The following TTC27 variants were observed in gnomAD, a reference collection of about 807,000 sequenced individuals.
TTC27 encodes tetratricopeptide repeat protein 27.
Under a neutral mutation model 115.9 loss-of-function variants are expected in TTC27, and 79 were observed. The ratio of observed to expected loss-of-function variants is 0.68; its 90% CI spans 0.57 to 0.82. The LOEUF (loss-of-function observed/expected upper bound fraction) is 0.82, where lower values mean the gene tolerates loss of function less well. Among genes scored for constraint, TTC27 ranks in the 40% least tolerant of loss-of-function variants. TTC27 has a pLI of 0.00. For synonymous variants in TTC27, 401 were observed against 356.0 expected (o/e 1.13, Z -1.42); for missense variants, 1,054 against 993.1 (o/e 1.06, Z -0.82).
chr2:32,685,177 G>A (rs532714587), intron 9 of TTC27, among the ~76,000 whole-genome samples: 22 of 151,656 alleles, frequency 1.5e-4, no homozygotes, highest in Non-Finnish European at 2.4e-4. Flanking sequence ...TTACAGGCAC[G>A]CACCACCATG....
intron 5 of TTC27, among the ~76,000 whole-genome samples, chr2:32,663,920 T>G (rs1445885492): frequency 1.3e-5 from 2 of 151,986 alleles, no homozygotes; most frequent in African/African-American, 4.8e-5. Flanking sequence ...CCTGACCTTG[T>G]GATCCGCCCA....
intron 19 of TTC27, among the ~76,000 whole-genome samples, chr2:32,819,316 C>T (rs1558360341): frequency 6.6e-6 from 1 of 152,076 alleles, no homozygotes; most frequent in Non-Finnish European, 1.5e-5. Flanking sequence ...GATTTTCATT[C>T]TCATTAGATG....
At chr2:32,755,199 G>T (rs1315747329) in intron 12 of TTC27, among the ~76,000 whole-genome samples, 5 of 152,202 alleles carry the variant, frequency 3.3e-5, no homozygotes, top group African/African-American at 4.8e-5. Context: ...GGCAGAGGCT[G>T]CAATCTCGGC....
At chr2:32,792,586 A>G (rs1235202903) in intron 16 of TTC27, among the ~76,000 whole-genome samples, 1 of 152,144 alleles carries the variant, frequency 6.6e-6, no homozygotes, top group Non-Finnish European at 1.5e-5. Context: ...GGTCAGGGTT[A>G]TCAGACCAGG....
chr2:32,691,098 A>G (rs1023759870), intron 9 of TTC27, among the ~76,000 whole-genome samples: 2 of 152,150 alleles, frequency 1.3e-5, no homozygotes, highest in African/African-American at 4.8e-5. Flanking sequence ...GAAGAAGATT[A>G]TTTGAAACGT....
chr2:32,782,576 A>C (rs764212194), intron 14 of TTC27, 50 bp from the exon 15 acceptor site: 1 of 1,562,178 alleles, frequency 6.4e-7, no homozygotes, highest in Non-Finnish European at 8.8e-7. Context: ...TTAAGCAATA[A>C]TTTTACCTAA....
chr2:32,731,191 C>T (rs1281484936), intron 10 of TTC27, among the ~76,000 whole-genome samples: 2 of 151,920 alleles, frequency 1.3e-5, no homozygotes, highest in Non-Finnish European at 2.9e-5. Flanking sequence ...GCCTCCTGGG[C>T]TCAAGTGATT....
chr2:32,766,737 T>A (rs1323545581), intron 13 of TTC27, among the ~76,000 whole-genome samples: 1 of 152,190 alleles, frequency 6.6e-6, no homozygotes, highest in Non-Finnish European at 1.5e-5. Context: ...GAAAAATGGC[T>A]GATCTTGTGT....
chr2:32,739,457 CTAAG>C (rs1350774551), intron 12 of TTC27, among the ~76,000 whole-genome samples: 2 of 152,086 alleles, frequency 1.3e-5, no homozygotes, highest in African/African-American at 4.8e-5. Flanking sequence ...GACTGTCCCC[CTAAG>C]TAGTTGTGAT....
chr2:32,696,476 T>A (rs987681048), intron 9 of TTC27, among the ~76,000 whole-genome samples: 4 of 151,724 alleles, frequency 2.6e-5, no homozygotes, highest in Admixed American at 6.6e-5. Flanking sequence ...GTGTTTTTAG[T>A]AGAGACTGGG....
chr2:32,650,211 TGCCGAAA>T lies in TTC27; in HGVS notation c.619_625del (p.Ala207ThrfsTer6). The T allele has an allele frequency of 1.2e-6, 2 of 1,613,908 alleles. No homozygotes were observed. Among genetic ancestry groups the T allele is most frequent in the Non-Finnish European group, 1.7e-6 (2 of 1,179,884 alleles). On this transcript the variant is annotated frameshift_variant, in exon 5 of 20. Transcript: ENST00000317907. LOFTEE classifies it high-confidence loss of function. ...AACGCTCACCTCTGCTTTTTACTCTTGCCGAAAACTGTATTGATCAAGGTATGTAGCA... is the reference window on the plus strand; with the variant it reads ...AACGCTCACCTCTGCTTTTTACTCTTACTGTATTGATCAAGGTATGTAGCA...
intron 5 of TTC27, among the ~76,000 whole-genome samples, chr2:32,661,940 C>A (rs1290780599): frequency 1.3e-5 from 2 of 152,108 alleles, no homozygotes; most frequent in Non-Finnish European, 2.9e-5. Flanking sequence ...GAGATCCGTT[C>A]CATCAATACC....
Position 32,751,907 on chromosome 2 carries a change from C to T in TTC27, c.1453-6385C>T, listed in dbSNP as rs1336708200. Among the ~76,000 whole-genome samples, 4 of 152,256 alleles carry T rather than the reference C, an allele frequency of 2.6e-5. No homozygotes were observed. In the East Asian group the frequency reaches 7.7e-4, roughly 29 times the overall value. On this transcript the variant is annotated intron_variant, in intron 12 of 19. Coordinates refer to ENST00000317907, the MANE Select transcript of TTC27 (RefSeq NM_017735.5). The stretch of plus-strand genomic sequence containing the variant: ...AGACTCAGGTCAGGCATCTGGTCTC[C>T]AAACCTAGAAATTTTTTTCTTTAAT...
intron 16 of TTC27, among the ~76,000 whole-genome samples, chr2:32,795,594 C>T (rs1003703884): frequency 1.3e-5 from 2 of 149,648 alleles, no homozygotes; most frequent in African/African-American, 4.9e-5. Context: ...GCTCTGTTGC[C>T]CAGGCTGGAG....
chr2:32,666,525 A>G (rs1665782202), intron 6 of TTC27, 110 bp from the exon 7 acceptor site: 7 of 1,164,144 alleles, frequency 6.0e-6, no homozygotes, highest in Non-Finnish European at 8.1e-6. Flanking sequence ...CTTATGTGAA[A>G]TGGAGAAAAT....
chr2:32,666,607 A>C (rs780109827), intron 6 of TTC27, 28 bp from the exon 7 acceptor site: 1 of 1,612,066 alleles, frequency 6.2e-7, no homozygotes, highest in South Asian at 1.1e-5. Flanking sequence ...TGGGTAAGTC[A>C]GTAGATATAA....
chr2:32,645,264 G>C lies in TTC27; in HGVS notation c.537+4854G>C, dbSNP rs531753258. Among the ~76,000 whole-genome samples, 6 of 152,172 alleles carry C rather than the reference G, an allele frequency of 3.9e-5. No individual in the cohort carries two copies. In the South Asian group the frequency reaches 1.2e-3, roughly 32 times the overall value. On this transcript the variant is annotated intron_variant, in intron 4 of 19. Coordinates refer to ENST00000317907, the MANE Select transcript of TTC27 (RefSeq NM_017735.5). The stretch of plus-strand genomic sequence containing the variant: ...TAAGTGGTTGAGTAAAATGAGTCTT[G>C]GTTTTGAAATCAACAGCTATGTGAC...
intron 5 of TTC27, among the ~76,000 whole-genome samples, chr2:32,651,815 G>C (rs934817009): frequency 6.6e-6 from 1 of 152,136 alleles, no homozygotes; most frequent in African/African-American, 2.4e-5. Flanking sequence ...TAGATAAAAT[G>C]ACCATCTATA....
intron 10 of TTC27, among the ~76,000 whole-genome samples, chr2:32,733,111 T>C (rs139621637): frequency 2.4e-4 from 37 of 152,354 alleles, no homozygotes; most frequent in African/African-American, 8.9e-4. Context: ...ACGAATCATT[T>C]GACCACTGGA....
Sources: gnomAD v4.1 joint callset for allele counts (sites outside exome capture counted in the v4.1 genomes callset) on GRCh38, gnomAD v4.1.1 for gene constraint, MANE v1.5 for transcripts, NCBI Gene and HGNC (gene_info 2026-07-23, HGNC 2026-07-21) for gene names.